The following ATP2B2 variants were observed in gnomAD, a reference collection of about 807,000 sequenced individuals.
The protein encoded by ATP2B2 is ATPase plasma membrane Ca2+ transporting 2.
Under a neutral mutation model 120.0 loss-of-function variants are expected in ATP2B2, and 15 were observed. That is an observed-to-expected ratio of 0.12 (90% CI 0.08 to 0.19). The LOEUF (loss-of-function observed/expected upper bound fraction) is 0.19. ATP2B2 is among the 10% of genes least tolerant of loss of function. The pLI is 1.00. For synonymous variants in ATP2B2, 694 were observed against 700.3 expected (o/e 0.99, Z 0.14); for missense variants, 1,045 against 1,719.8 (o/e 0.61, Z 6.94).
intron 2 of ATP2B2, among the ~76,000 whole-genome samples, chr3:10,538,122 T>C (rs1460758376): frequency 6.6e-6 from 1 of 152,248 alleles, no homozygotes; most frequent in Non-Finnish European, 1.5e-5. Flanking sequence ...TGTCTTTGTC[T>C]GGTTTTGATA....
intron 2 of ATP2B2, among the ~76,000 whole-genome samples, chr3:10,585,831 T>C (rs1181926841): frequency 6.6e-6 from 1 of 152,170 alleles, no homozygotes; most frequent in Non-Finnish European, 1.5e-5. Flanking sequence ...CACTGTTTGG[T>C]AGTGCCCTCA....
intron 1 of ATP2B2, among the ~76,000 whole-genome samples, chr3:10,699,682 C>G (rs1408963053): frequency 2.6e-5 from 4 of 152,124 alleles, no homozygotes; most frequent in African/African-American, 9.7e-5. Flanking sequence ...CCCAATGCAA[C>G]AGTGTTGAAA....
intron 3 of ATP2B2, 83 bp downstream of exon 3, chr3:10,410,535 T>C (rs2062572773): frequency 2.1e-6 from 3 of 1,458,672 alleles, no homozygotes; most frequent in Admixed American, 2.1e-5. Flanking sequence ...GAGAGGATTA[T>C]TTGTGTGAGC....
At chr3:10,571,699 G>A (rs527343526) in intron 2 of ATP2B2, among the ~76,000 whole-genome samples, 1 of 152,342 alleles carries the variant, frequency 6.6e-6, no homozygotes, top group Admixed American at 6.5e-5. Context: ...CTGTGGTGGG[G>A]AGGTCGGGTG....
At chr3:10,624,971 G>A (rs1288010913) in intron 1 of ATP2B2, among the ~76,000 whole-genome samples, 1 of 152,230 alleles carries the variant, frequency 6.6e-6, no homozygotes, top group African/African-American at 2.4e-5. Flanking sequence ...AGATGGGAAA[G>A]CGGGCCTTTC....
At chr3:10,574,433 C>G (rs2068197409) in intron 2 of ATP2B2, among the ~76,000 whole-genome samples, 1 of 152,150 alleles carries the variant, frequency 6.6e-6, no homozygotes, top group African/African-American at 2.4e-5. Flanking sequence ...GAGGATCTGC[C>G]TGGGCCATCT....
At chr3:10,534,071 C>G (rs981307489) in exon 3 of ATP2B2, 2 of 152,276 alleles carry the variant, frequency 1.3e-5, no homozygotes, top group Non-Finnish European at 2.9e-5. Flanking sequence ...TGAGAGGTGT[C>G]AGGGTCTGGA....
intron 1 of ATP2B2, among the ~76,000 whole-genome samples, chr3:10,495,981 G>A (rs2066131771): frequency 6.6e-6 from 1 of 152,202 alleles, no homozygotes; most frequent in African/African-American, 2.4e-5. Flanking sequence ...CAAGGAGCCC[G>A]ACAAACAGCC....
intron 2 of ATP2B2, among the ~76,000 whole-genome samples, chr3:10,421,002 C>T (rs549051448): frequency 2.6e-5 from 4 of 152,190 alleles, no homozygotes; most frequent in African/African-American, 4.8e-5. Context: ...CCTGGAGCGG[C>T]GGCTTCAGCA....
At chr3:10,631,712 C>T (rs889426203) in intron 1 of ATP2B2, among the ~76,000 whole-genome samples, 1 of 152,188 alleles carries the variant, frequency 6.6e-6, no homozygotes, top group Non-Finnish European at 1.5e-5. Context: ...CAATGGGCTC[C>T]TCCTCCCTTA....
chr3:10,350,213 G>T lies in ATP2B2; in HGVS notation c.2317-14C>A, dbSNP rs1392427819. The T allele has an allele frequency of 1.2e-6, 2 of 1,609,450 alleles. No individual in the cohort carries two copies. The highest frequency in any genetic ancestry group is 4.5e-5 in the East Asian group (2 of 44,812). On this transcript the variant is annotated splice_polypyrimidine_tract_variant and intron_variant, in intron 15 of 22. Transcript: ENST00000360273. ...CTCCTGCTCAATCTGGAGAGGGATG[G>T]GGAAGGGGGCGGGTCGGTGGGGTCG...
At chr3:10,400,521 G>A (rs1012001343) in intron 5 of ATP2B2, among the ~76,000 whole-genome samples, 2 of 152,006 alleles carry the variant, frequency 1.3e-5, no homozygotes, top group Non-Finnish European at 2.9e-5. Context: ...TCCGCCACAA[G>A]CTCCTCAGGG....
intron 1 of ATP2B2, 59 bp from the exon 2 acceptor site, chr3:10,449,921 G>A: frequency 2.8e-6 from 1 of 363,506 alleles, no homozygotes; most frequent in Non-Finnish European, 5.3e-6. Context: ...ACATGGGACA[G>A]GTGCTCAGGA....
chr3:10,637,373 A>G (rs1293935355), intron 1 of ATP2B2, among the ~76,000 whole-genome samples: 2 of 152,370 alleles, frequency 1.3e-5, no homozygotes, highest in East Asian at 3.9e-4. Flanking sequence ...CAGATGTTAG[A>G]ATTAGCAGAC....
chr3:10,517,168 C>T (rs898717859), intron 3 of ATP2B2, among the ~76,000 whole-genome samples: 8 of 152,206 alleles, frequency 5.3e-5, no homozygotes, highest in Non-Finnish European at 1.0e-4. Context: ...GACTCTCCTG[C>T]CAGCTCGGTG....
chr3:10,566,017 CCTA>C (rs1307256342), intron 2 of ATP2B2, among the ~76,000 whole-genome samples: 1 of 152,242 alleles, frequency 6.6e-6, no homozygotes, highest in Non-Finnish European at 1.5e-5. Flanking sequence ...TGTCTGTCTG[CCTA>C]CTATGTCTAT....
intron 3 of ATP2B2, among the ~76,000 whole-genome samples, chr3:10,525,411 C>T (rs1430316339): frequency 6.6e-6 from 1 of 152,224 alleles, no homozygotes; most frequent in African/African-American, 2.4e-5. Context: ...TTCCTAAAGA[C>T]AATACAGAGA....
intron 1 of ATP2B2, among the ~76,000 whole-genome samples, chr3:10,699,443 A>G (rs114551102): frequency 0.01 from 1,595 of 152,360 alleles, 27 homozygotes; most frequent in African/African-American, 0.036. Flanking sequence ...GGACAGAAAA[A>G]CAGAATATCT....
chr3:10,362,337 C>A (rs116819295), intron 12 of ATP2B2, among the ~76,000 whole-genome samples: 2 of 152,314 alleles, frequency 1.3e-5, no homozygotes, highest in South Asian at 4.1e-4. Flanking sequence ...GGATGTATCC[C>A]TGGCCTATTC....
Sources: gnomAD v4.1 joint callset for allele counts (sites outside exome capture counted in the v4.1 genomes callset) on GRCh38, gnomAD v4.1.1 for gene constraint, MANE v1.5 for transcripts, NCBI Gene and HGNC (gene_info 2026-07-23, HGNC 2026-07-21) for gene names.